The following POLR2K variants were observed in gnomAD, a reference collection of about 807,000 sequenced individuals.
POLR2K encodes RNA polymerase II, I and III subunit K.
A neutral mutation model predicts 10.1 loss-of-function variants in POLR2K; 9 were observed. The ratio of observed to expected loss-of-function variants is 0.89; its 90% CI spans 0.54 to 1.56. The LOEUF (loss-of-function observed/expected upper bound fraction) is 1.56, where lower values mean the gene tolerates loss of function less well. Among genes scored for constraint, POLR2K ranks in the 40% most tolerant of loss-of-function variants. The probability of loss-of-function intolerance (pLI) is 0.00; values close to 1 mark genes in which losing one functional copy is unlikely to be tolerated. For missense variants in POLR2K, 53 were observed against 71.9 expected (o/e 0.74, Z 0.95); for synonymous variants, 19 against 20.3 (o/e 0.94, Z 0.17).
At chr8:100,152,076 A>C in intron 3 of POLR2K, 160 bp downstream of exon 3, 1 of 617,072 alleles carries the variant, frequency 1.6e-6, no homozygotes, top group African/African-American at 2.0e-5. Flanking sequence ...ATAGGCTCTA[A>C]ATAATCTAAA....
chr8:100,152,589 C>T (rs748605236), intron 3 of POLR2K, among the ~76,000 whole-genome samples: 6 of 152,192 alleles, frequency 3.9e-5, no homozygotes, highest in African/African-American at 7.2e-5. Context: ...CATGGTTGCT[C>T]ACACCTATAA....
chr8:100,152,893 G>A (rs552368381), intron 3 of POLR2K, among the ~76,000 whole-genome samples: 53 of 152,044 alleles, frequency 3.5e-4, no homozygotes. Context: ...TCAGCCTCCT[G>A]AGTAGCTGGG....
rs898596142 is a variant in POLR2K, at chr8:100,153,976, C to T, written c.*660C>T. 2.5e-4 allele frequency: 38 copies of T among 152,282 alleles called. 1 individual carries two copies. The highest frequency in any genetic ancestry group is 8.9e-4 in the African/African-American group (37 of 41,558). 9.4% of individuals were successfully genotyped at this position (152,282 alleles called of 1,614,324 possible). On this transcript the variant is annotated 3_prime_UTR_variant, in exon 4 of 4. Transcript: ENST00000353107. ...CAGGTTTCTAGAACCCTCTGAAGTT[C>T]TGATTAAATAAATTTATTGCAAACC...
intron 3 of POLR2K, among the ~76,000 whole-genome samples, chr8:100,152,695 T>C (rs1039003159): frequency 2.0e-5 from 3 of 152,176 alleles, no homozygotes; most frequent in Non-Finnish European, 2.9e-5. Context: ...TAAATTGTTA[T>C]GATACAACTA....
At chr8:100,150,835 GCT>G in intron 1 of POLR2K, 126 bp downstream of exon 1, 1 of 157,480 alleles carries the variant, frequency 6.4e-6, no homozygotes, top group Non-Finnish European at 1.4e-5. Context: ...CCATGCTATC[GCT>G]CTTTTCCCTA....
intron 1 of POLR2K, among the ~76,000 whole-genome samples, 179 bp from the exon 2 acceptor site, chr8:100,151,168 T>C (rs1168237761): frequency 6.6e-6 from 1 of 152,238 alleles, no homozygotes; most frequent in Non-Finnish European, 1.5e-5. Context: ...ATGTCCAGTT[T>C]GGGGTAAACG....
chr8:100,151,638 C>T (rs1814920633), intron 2 of POLR2K, 186 bp from the exon 3 acceptor site: 2 of 599,828 alleles, frequency 3.3e-6, no homozygotes, highest in Admixed American at 3.0e-5. Flanking sequence ...CATTCTCTCT[C>T]CTGGAAATAT....
Position 100,153,396 on chromosome 8 carries a change from A to C in POLR2K, c.*80A>C. The C allele has an allele frequency of 1.5e-6, 2 of 1,335,334 alleles. No individual in the cohort carries two copies. The highest frequency in any genetic ancestry group is 2.1e-6 in the Non-Finnish European group (2 of 934,234). The allele number at this position is 1,335,334 out of a possible 1,614,324, so 82.7% of individuals were successfully genotyped here. On this transcript the variant is annotated 3_prime_UTR_variant, in exon 4 of 4. Coordinates refer to ENST00000353107, the MANE Select transcript of POLR2K (RefSeq NM_005034.4). Reference sequence around the variant, plus strand: ...ATTTCTGATTGTTGTATAGCTTTCGATTTTGCTTACAGTAGTTCCCCCTTA... The same window carrying C: ...ATTTCTGATTGTTGTATAGCTTTCGCTTTTGCTTACAGTAGTTCCCCCTTA...
Position 100,151,543 on chromosome 8 carries a change from A to G in POLR2K, c.61+127A>G, listed in dbSNP as rs1433615975. 1.1e-4 allele frequency: 76 copies of G among 697,400 alleles called. No homozygotes were observed. The East Asian group carries it at 2.0e-3, about 18-fold the overall frequency. The allele number at this position is 697,400 out of a possible 1,614,324, so 43.2% of individuals were successfully genotyped here. On this transcript the variant is annotated intron_variant, in intron 2 of 3. Transcript: ENST00000353107. ...TAAAGTAGAACACTTTAGCAACCAT[A>G]AAAAAAATCGTTGAGGTCAGTAGAC... is the stretch of plus-strand genomic sequence containing the variant.
chr8:100,152,783 T>G (rs1387371384), intron 3 of POLR2K, among the ~76,000 whole-genome samples: 1 of 152,216 alleles, frequency 6.6e-6, no homozygotes, highest in African/African-American at 2.4e-5. Context: ...TGTTTTTTTT[T>G]GAGACGGAGT....
rs112830580 is a variant in POLR2K at position 100,152,812 on chromosome 8, C to T, written c.155-482C>T. On this transcript the variant is annotated intron_variant, in intron 3 of 3. Transcript: ENST00000353107. ...ACGGAGTCTCGCTCTGTCACCCAGG[C>T]TGGTGTGCAGTGACGCAATCTCGGC... is the stretch of plus-strand genomic sequence containing the variant. Among the ~76,000 whole-genome samples, 915 of 152,086 alleles carry T rather than the reference C, an allele frequency of 6.0e-3. 14 individuals are homozygous for T. Among genetic ancestry groups the T allele is most frequent in the African/African-American group, 0.021 (887 of 41,462 alleles).
intron 1 of POLR2K, 60 bp from the exon 2 acceptor site, chr8:100,151,286 GC>G (rs2132156131): frequency 9.4e-7 from 1 of 1,059,264 alleles, no homozygotes; most frequent in Non-Finnish European, 1.5e-6. Context: ...AGAAAAATGG[GC>G]CCGGATGGAC....
In POLR2K at chr8:100,153,792, G is replaced by A. The variant is rs1344381520; in HGVS notation, c.*476G>A. The A allele has an allele frequency of 6.6e-6, 1 of 152,238 alleles. No individual in the cohort carries two copies. The highest frequency in any genetic ancestry group is 1.5e-5 in the Non-Finnish European group (1 of 68,132). 9.4% of individuals were successfully genotyped at this position (152,238 alleles called of 1,614,324 possible). A position where few individuals can be genotyped will look rare whatever the true frequency, so the allele number is the denominator to read the frequency against. On this transcript the variant is annotated 3_prime_UTR_variant, in exon 4 of 4. Transcript: ENST00000353107. ...ATTTTTAAGACCATATTATATTTGG[G>A]TATCTACTAATATTTTGTATAAAGC...
At position 100,151,331 on chromosome 8, in the gene POLR2K, G is replaced by C. The variant is rs1814914454; in HGVS notation, c.-9-16G>C. 6.4e-7 allele frequency: 1 copy of C among 1,566,738 alleles called. No homozygotes were observed. ...AGCCCTTTTGAGATATTCAGTATTT[G>C]AGTCTGTGATTTCAGGGGCTAACAA... On this transcript the variant is annotated splice_polypyrimidine_tract_variant and intron_variant, in intron 1 of 3. Coordinates refer to ENST00000353107, the MANE Select transcript of POLR2K (RefSeq NM_005034.4).
intron 3 of POLR2K, among the ~76,000 whole-genome samples, chr8:100,152,961 G>C (rs893078589): frequency 5.3e-5 from 8 of 151,872 alleles, no homozygotes; most frequent in Admixed American, 1.3e-4. Context: ...GTAAAGATGG[G>C]GTTTCACCAT....
intron 3 of POLR2K, among the ~76,000 whole-genome samples, 190 bp from the exon 4 acceptor site, chr8:100,153,104 T>C (rs1291387519): frequency 6.6e-6 from 1 of 152,092 alleles, no homozygotes; most frequent in Admixed American, 6.5e-5. Context: ...ATGGAAAAGG[T>C]GGTAATAAAA....
At position 100,153,407 on chromosome 8, in the gene POLR2K, A is replaced by C; in HGVS notation, c.*91A>C. 8.8e-7 allele frequency: 1 copy of C among 1,141,256 alleles called. No individual in the cohort carries two copies. Among genetic ancestry groups the C allele is most frequent in the Non-Finnish European group, 1.3e-6 (1 of 760,402 alleles). 70.7% of individuals were successfully genotyped at this position (1,141,256 alleles called of 1,614,324 possible). On this transcript the variant is annotated 3_prime_UTR_variant, in exon 4 of 4. Coordinates refer to ENST00000353107, the MANE Select transcript of POLR2K (RefSeq NM_005034.4). The stretch of plus-strand genomic sequence containing the variant: ...TTGTATAGCTTTCGATTTTGCTTAC[A>C]GTAGTTCCCCCTTATCTTCGGGAGA...
intron 3 of POLR2K, among the ~76,000 whole-genome samples, chr8:100,152,721 C>G (rs1454289296): frequency 4.6e-5 from 7 of 152,014 alleles, no homozygotes; most frequent in Admixed American, 6.6e-5. Context: ...CATTGTAAAT[C>G]GACGGATTAT....
chr8:100,152,496 G>C (rs1167444580), intron 3 of POLR2K, among the ~76,000 whole-genome samples: 1 of 152,176 alleles, frequency 6.6e-6, no homozygotes, highest in Non-Finnish European at 1.5e-5. Context: ...TAAAGTTCAC[G>C]AGGAGAAATA....
Sources: allele counts gnomAD v4.1 joint callset (sites outside exome capture counted in the v4.1 genomes callset), GRCh38; gene constraint gnomAD v4.1.1; transcripts MANE v1.5; gene names NCBI Gene and HGNC (gene_info 2026-07-23, HGNC 2026-07-21).